LRGUK: variants seen among roughly 807,000 people sequenced by gnomAD.
LRGUK encodes the protein leucine rich repeats and guanylate kinase domain containing.
Under a neutral mutation model 76.0 loss-of-function variants are expected in LRGUK, and 65 were observed. The ratio of observed to expected loss-of-function variants is 0.85; its 90% CI spans 0.70 to 1.05. LRGUK has a LOEUF of 1.05. Ranked by LOEUF, LRGUK falls within the 50% of genes least tolerant of loss-of-function variation. LRGUK has a pLI of 0.00. For missense variants in LRGUK, 758 were observed against 732.8 expected (o/e 1.03, Z -0.40); for synonymous variants, 268 against 265.6 (o/e 1.01, Z -0.09).
At chr7:134,274,154 T>A in the LRGUK span, among the ~76,000 whole-genome samples, 1 of 152,150 alleles carries the variant, frequency 6.6e-6, no homozygotes, top group African/African-American at 2.4e-5. Flanking sequence ...ATGTGGCTGG[T>A]GTGACTGAGG....
At chr7:134,175,400 A>G (rs1329986672) in intron 8 of LRGUK, among the ~76,000 whole-genome samples, 1 of 152,190 alleles carries the variant, frequency 6.6e-6, no homozygotes, top group East Asian at 1.9e-4. Context: ...AAATACAAGA[A>G]AGATTTATAA....
At chr7:134,229,414 C>CTATT (rs1362227272) in intron 16 of LRGUK, among the ~76,000 whole-genome samples, 3 of 151,368 alleles carry the variant, frequency 2.0e-5, no homozygotes, top group Non-Finnish European at 4.4e-5. Flanking sequence ...ATCTATCTAT[C>CTATT]TATGTTCAGT....
chr7:134,191,200 C>T (rs1800228102), intron 11 of LRGUK, among the ~76,000 whole-genome samples: 1 of 152,084 alleles, frequency 6.6e-6, no homozygotes, highest in Admixed American at 6.6e-5. Context: ...ATAATCCAGC[C>T]ATAGAGGTCA....
rs1416235587 is a variant in LRGUK, at chr7:134,258,660, C to A, written c.2347+255C>A. ...GTTGCAGGGAGCCGAGATCACACTA[C>A]TGCACTCCTGGGTAACAAGAGCAAA... On this transcript the variant is annotated intron_variant, in intron 19 of 19. Coordinates refer to the LRGUK transcript ENST00000285928. Among the ~76,000 whole-genome samples the A allele has an allele frequency of 2.0e-5, 3 of 151,650 alleles. No individual in the cohort carries two copies. In the East Asian group the frequency reaches 5.8e-4, roughly 29 times the overall value.
At chr7:134,137,056 G>A (rs1305785806) in exon 2 of LRGUK, 1 of 1,613,684 alleles carries the variant, frequency 6.2e-7, no homozygotes, top group Non-Finnish European at 8.5e-7. Flanking sequence ...AGAGGAGGCT[G>A]TGGCCAAAGC....
At position 134,160,217 on chromosome 7, in the gene LRGUK, C is replaced by T. The variant is rs556897712; in HGVS notation, c.795+2058C>T. Among the ~76,000 whole-genome samples, 41 of 152,156 alleles carry T rather than the reference C, an allele frequency of 2.7e-4. 1 individual carries two copies. In the South Asian group the frequency reaches 4.4e-3, roughly 16 times the overall value. On this transcript the variant is annotated intron_variant, in intron 6 of 15. Transcript: ENST00000645682. ...GAACTCATTATTAAGAATTATAATA[C>T]GTAGCATTTTCATCCTAAGAGTGTG...
chr7:134,228,699 A>C, intron 16 of LRGUK, among the ~76,000 whole-genome samples: 1 of 152,200 alleles, frequency 6.6e-6, no homozygotes, highest in Non-Finnish European at 1.5e-5. Context: ...CAATTATAAT[A>C]AGTCAAGAAG....
intron 5 of LRGUK, among the ~76,000 whole-genome samples, chr7:134,156,706 T>G (rs1798474611): frequency 1.3e-5 from 2 of 152,196 alleles, no homozygotes; most frequent in Non-Finnish European, 2.9e-5. Flanking sequence ...ATGAGAATTT[T>G]TTAATTGAAA....
At chr7:134,257,132 A>G (rs1490979171) in intron 18 of LRGUK, among the ~76,000 whole-genome samples, 1 of 152,212 alleles carries the variant, frequency 6.6e-6, no homozygotes, top group Non-Finnish European at 1.5e-5. Context: ...AATTTCACTC[A>G]GTAAATTTCT....
At chr7:134,265,369 G>T (rs1169154322), downstream of LRGUK, among the ~76,000 whole-genome samples, 1 of 152,154 alleles carries the variant, frequency 6.6e-6, no homozygotes, top group Non-Finnish European at 1.5e-5. Context: ...TGAAAAGAAG[G>T]CAGATGGGCT....
intron 10 of LRGUK, among the ~76,000 whole-genome samples, chr7:134,183,409 A>G (rs551092602): frequency 2.6e-5 from 4 of 152,322 alleles, no homozygotes; most frequent in East Asian, 1.9e-4. Flanking sequence ...TTTAACTTTA[A>G]CAGTCTTATT....
At chr7:134,146,293 T>C (rs559885661) in intron 4 of LRGUK, among the ~76,000 whole-genome samples, 2 of 151,788 alleles carry the variant, frequency 1.3e-5, no homozygotes, top group Non-Finnish European at 2.9e-5. Context: ...AGAAACCTAA[T>C]ACCATAGCTA....
chr7:134,199,404 A>G, exon 14 of LRGUK: 1 of 1,613,512 alleles, frequency 6.2e-7, no homozygotes, highest in Non-Finnish European at 8.5e-7. Context: ...GGATATTTTG[A>G]TGAGGTAATC....
intron 11 of LRGUK, among the ~76,000 whole-genome samples, chr7:134,187,359 A>T (rs1800019987): frequency 6.6e-6 from 1 of 152,230 alleles, no homozygotes; most frequent in Admixed American, 6.5e-5. Flanking sequence ...TTACAAAGGC[A>T]CTTGCTCCAC....
intron 11 of LRGUK, among the ~76,000 whole-genome samples, chr7:134,189,623 C>T (rs1800117901): frequency 6.6e-6 from 1 of 152,174 alleles, no homozygotes; most frequent in African/African-American, 2.4e-5. Flanking sequence ...ATTCTTGCCA[C>T]TCAATTCCTT....
intron 11 of LRGUK, among the ~76,000 whole-genome samples, chr7:134,184,130 T>C (rs1799878681): frequency 1.3e-5 from 2 of 152,202 alleles, no homozygotes; most frequent in Non-Finnish European, 2.9e-5. Context: ...ATTGGATCAA[T>C]GTGATTACCT....
chr7:134,192,597 G>C (rs1375601193), intron 12 of LRGUK, among the ~76,000 whole-genome samples: 1 of 152,116 alleles, frequency 6.6e-6, no homozygotes, highest in Non-Finnish European at 1.5e-5. Flanking sequence ...CATACAAAGG[G>C]AACCCTCATA....
chr7:134,226,112 G>A (rs531806162), intron 16 of LRGUK, among the ~76,000 whole-genome samples: 1 of 152,140 alleles, frequency 6.6e-6, no homozygotes, highest in African/African-American at 2.4e-5. Flanking sequence ...AGGCATTTTT[G>A]TGCTTTTTGG....
At chr7:134,248,975 C>T in exon 18 of LRGUK, 1 of 1,558,172 alleles carries the variant, frequency 6.4e-7, no homozygotes, top group Non-Finnish European at 8.7e-7. Flanking sequence ...CACCTCTCAC[C>T]AGTGGTCTAC....
Sources: gnomAD v4.1 joint callset for allele counts (sites outside exome capture counted in the v4.1 genomes callset) on GRCh38, gnomAD v4.1.1 for gene constraint, MANE v1.5 for transcripts, NCBI Gene and HGNC (gene_info 2026-07-23, HGNC 2026-07-21) for gene names.